NRG3: variants seen among roughly 807,000 people sequenced by gnomAD.
NRG3 encodes the protein pro-neuregulin-3, membrane-bound isoform.
Under a neutral mutation model 66.9 loss-of-function variants are expected in NRG3, and 31 were observed. The observed-to-expected ratio is 0.46, with a 90% confidence interval of 0.35 to 0.63. NRG3 has a LOEUF of 0.63. NRG3 is among the 20% of genes least tolerant of loss of function. The pLI, the probability that NRG3 is intolerant of heterozygous loss-of-function variation, is 0.00. For synonymous variants in NRG3, 393 were observed against 359.4 expected (o/e 1.09, Z -1.06); for missense variants, 910 against 878.9 (o/e 1.04, Z -0.45).
chr10:82,908,367 G>A lies in NRG3; in HGVS notation c.1054+42930G>A, dbSNP rs897102117. Among the ~76,000 whole-genome samples the A allele has an allele frequency of 2.0e-5, 3 of 152,314 alleles. No individual in the cohort carries two copies. In the South Asian group the frequency reaches 6.2e-4, roughly 32 times the overall value. On this transcript the variant is annotated intron_variant, in intron 4 of 8. Transcript: ENST00000372141. ...ATCAAGGAATTCAGAAATGTTTTCT[G>A]AGAAGAAATCCACCTCGGTACCCTG...
At chr10:82,291,049 T>C (rs2079714578) in intron 1 of NRG3, among the ~76,000 whole-genome samples, 1 of 152,062 alleles carries the variant, frequency 6.6e-6, no homozygotes, top group African/African-American at 2.4e-5. Context: ...TATACATGTT[T>C]TCTCAGCTAG....
chr10:82,222,145 T>C (rs1469364894), intron 1 of NRG3, among the ~76,000 whole-genome samples: 1 of 152,092 alleles, frequency 6.6e-6, no homozygotes, highest in Non-Finnish European at 1.5e-5. Context: ...TTACATTTTA[T>C]GTCAAGTAAT....
At chr10:82,264,453 C>T (rs1178088358) in intron 1 of NRG3, among the ~76,000 whole-genome samples, 1 of 152,134 alleles carries the variant, frequency 6.6e-6, no homozygotes, top group African/African-American at 2.4e-5. Flanking sequence ...CGGTCCTGCC[C>T]TTGACACATG....
intron 4 of NRG3, among the ~76,000 whole-genome samples, chr10:82,937,393 A>C (rs1369245216): frequency 6.6e-6 from 1 of 152,212 alleles, no homozygotes; most frequent in Non-Finnish European, 1.5e-5. Context: ...AAAATTGCCG[A>C]AAGTCAGGTA....
chr10:82,552,014 C>A (rs2044342942), intron 2 of NRG3, among the ~76,000 whole-genome samples: 1 of 152,004 alleles, frequency 6.6e-6, no homozygotes, highest in African/African-American at 2.4e-5. Flanking sequence ...TTTCCCACAG[C>A]CTGGAATTCG....
At chr10:82,461,928 C>T (rs369589084) in intron 2 of NRG3, among the ~76,000 whole-genome samples, 7 of 152,008 alleles carry the variant, frequency 4.6e-5, no homozygotes. Context: ...GTCTGGAGTT[C>T]GAGACCAGCC....
At chr10:82,309,239 C>T (rs2080898484) in intron 1 of NRG3, among the ~76,000 whole-genome samples, 1 of 152,168 alleles carries the variant, frequency 6.6e-6, no homozygotes, top group African/African-American at 2.4e-5. Flanking sequence ...CTAATTTTGC[C>T]TATGAATGGG....
chr10:82,270,104 C>G (rs550531849), intron 1 of NRG3, among the ~76,000 whole-genome samples: 1 of 152,248 alleles, frequency 6.6e-6, no homozygotes, highest in South Asian at 2.1e-4. Flanking sequence ...TATAATTGCA[C>G]AGCGTTTACT....
chr10:82,529,910 G>A (rs1366493556), intron 2 of NRG3, among the ~76,000 whole-genome samples: 1 of 152,136 alleles, frequency 6.6e-6, no homozygotes, highest in Non-Finnish European at 1.5e-5. Flanking sequence ...TCAAACTGAA[G>A]TAGTTGCAAA....
intron 1 of NRG3, among the ~76,000 whole-genome samples, chr10:82,235,181 A>T (rs183991488): frequency 3.2e-4 from 48 of 152,324 alleles, no homozygotes; most frequent in East Asian, 1.9e-3. Flanking sequence ...TAAGCAACAA[A>T]TTTTTTGGAA....
intron 1 of NRG3, among the ~76,000 whole-genome samples, chr10:82,150,526 CACACAAAAAAA>C (rs1174393131): frequency 8.2e-4 from 14 of 17,154 alleles, no homozygotes; most frequent in African/African-American, 2.1e-3. Context: ...AAAAAGAGCA[CACACAAAAAAA>C]AAAAAAAAAA....
At chr10:82,800,150 C>T (rs961590302) in intron 3 of NRG3, among the ~76,000 whole-genome samples, 1 of 152,142 alleles carries the variant, frequency 6.6e-6, no homozygotes, top group African/African-American at 2.4e-5. Flanking sequence ...CTGTCTCTAT[C>T]GCCTTCTAGA....
At chr10:82,840,094 AT>A (rs1027988600) in intron 3 of NRG3, among the ~76,000 whole-genome samples, 1 of 152,180 alleles carries the variant, frequency 6.6e-6, no homozygotes, top group Non-Finnish European at 1.5e-5. Context: ...CTATATCTGT[AT>A]AAAAAACAAG....
At chr10:82,319,423 C>CG (rs1232960778) in intron 1 of NRG3, among the ~76,000 whole-genome samples, 1 of 152,190 alleles carries the variant, frequency 6.6e-6, no homozygotes, top group Non-Finnish European at 1.5e-5. Flanking sequence ...GCCTAAATTC[C>CG]GCCGAAAGGC....
At chr10:82,789,575 T>C (rs554719926) in intron 3 of NRG3, among the ~76,000 whole-genome samples, 8 of 152,204 alleles carry the variant, frequency 5.3e-5, no homozygotes, top group Middle Eastern at 3.4e-3. Context: ...ACATATAATC[T>C]GAATCTGAAG....
intron 2 of NRG3, among the ~76,000 whole-genome samples, chr10:82,560,819 T>C (rs1024052507): frequency 1.3e-5 from 2 of 151,734 alleles, no homozygotes; most frequent in Non-Finnish European, 2.9e-5. Flanking sequence ...AAACGACTGG[T>C]TTATTTAATT....
chr10:82,052,341 C>T (rs775560482), intron 1 of NRG3, among the ~76,000 whole-genome samples: 15 of 152,020 alleles, frequency 9.9e-5, no homozygotes, highest in Non-Finnish European at 1.5e-4. Flanking sequence ...GGAACAGTAG[C>T]CCATGGGGTC....
intron 1 of NRG3, among the ~76,000 whole-genome samples, chr10:82,273,284 G>T (rs575085268): frequency 6.6e-6 from 1 of 151,748 alleles, no homozygotes; most frequent in Non-Finnish European, 1.5e-5. Context: ...GAGCACATTC[G>T]CTGAAGCTCT....
rs548615155 is a variant in NRG3, at chr10:82,351,424, A to G, written c.824-7315A>G. 6.6e-5 allele frequency among the ~76,000 whole-genome samples: 10 copies of G among 152,162 alleles called. No homozygotes were observed. The South Asian group carries it at 2.1e-3, about 31-fold the overall frequency. ...AATTGCTTAGGAAACATGATGTCAG[A>G]AGAAGGAGAGCCATGTAATTCAAGT... On this transcript the variant is annotated intron_variant, in intron 1 of 8. Coordinates refer to ENST00000372141, the MANE Select transcript of NRG3 (RefSeq NM_001010848.4).
Sources: allele counts gnomAD v4.1 joint callset (sites outside exome capture counted in the v4.1 genomes callset), GRCh38; gene constraint gnomAD v4.1.1; transcripts MANE v1.5; gene names NCBI Gene and HGNC (gene_info 2026-07-23, HGNC 2026-07-21).